Variants in PITPNB observed in about 807,000 individuals in gnomAD.
PITPNB encodes phosphatidylinositol transfer protein beta isoform.
A neutral mutation model predicts 45.9 loss-of-function variants in PITPNB; 16 were observed. That is an observed-to-expected ratio of 0.35 (90% CI 0.24 to 0.53). The LOEUF (loss-of-function observed/expected upper bound fraction) is 0.53. Among genes scored for constraint, PITPNB ranks in the 20% least tolerant of loss-of-function variants. The pLI is 0.93. For synonymous variants in PITPNB, 112 were observed against 108.9 expected, an observed-to-expected ratio of 1.03 and a Z score of -0.18; for missense variants, 188 against 330.5, an observed-to-expected ratio of 0.57 and a Z score of 3.34.
chr22:27,868,128 G>A (rs1934537444), intron 8 of PITPNB, among the ~76,000 whole-genome samples: 1 of 152,114 alleles, frequency 6.6e-6, no homozygotes, highest in African/African-American at 2.4e-5. Context: ...GAGATTACAG[G>A]GAGGGAACAT....
chr22:27,885,212 T>TAAAAGAAAAAAAAAAA (rs1935084869), intron 7 of PITPNB, among the ~76,000 whole-genome samples: 1 of 30,192 alleles, frequency 3.3e-5, no homozygotes, highest in Admixed American at 4.4e-4. Context: ...AATTTATACC[T>TAAAAGAAAAAAAAAAA]AAAAAAAAAA....
At chr22:27,872,111 T>TG (rs397950290) in intron 8 of PITPNB, among the ~76,000 whole-genome samples, 2 of 77,690 alleles carry the variant, frequency 2.6e-5, no homozygotes, top group Admixed American at 1.5e-4. Context: ...TTTTTTTTTT[T>TG]GGGACGGAGT....
chr22:27,855,679 A>G (rs1934152111), intron 10 of PITPNB, among the ~76,000 whole-genome samples: 2 of 152,358 alleles, frequency 1.3e-5, no homozygotes, highest in South Asian at 4.1e-4. Flanking sequence ...GTCCTCCTTC[A>G]GCTGCTGAGC....
intron 2 of PITPNB, among the ~76,000 whole-genome samples, chr22:27,914,102 T>C (rs1396054927): frequency 6.6e-6 from 1 of 152,218 alleles, no homozygotes; most frequent in African/African-American, 2.4e-5. Context: ...CTACATTCTT[T>C]AGACTCTTCC....
At position 27,897,858 on chromosome 22, in the gene PITPNB, C is replaced by A; in HGVS notation, c.232G>T (p.Glu78Ter). ...TTCTCATGAAACACCAAGGAGCCCT[C>A]GGGAGCAATCATCCTCACGAATGCA... ...VPAFVRMIAP[E>*]GSLVFHEKAW... The change falls in exon 4 of 12, where the codon GAG becomes TAG. Residue 78 changes from glutamate (E) to a stop codon, truncating the protein, a stop_gained. Coordinates refer to ENST00000335272, the MANE Select transcript of PITPNB (RefSeq NM_012399.5). LOFTEE classifies it high-confidence loss of function. The A allele has an allele frequency of 6.2e-7, 1 of 1,613,838 alleles. No homozygotes were observed. Among genetic ancestry groups the A allele is most frequent in the Non-Finnish European group, 8.5e-7 (1 of 1,179,802 alleles).
In PITPNB at chr22:27,885,212, T is replaced by TAAAAAAAAAAAAAAAAAAAAAAAAAAA. The variant is rs71194746; in HGVS notation, c.456+9316_456+9342dup. 1.7e-4 allele frequency among the ~76,000 whole-genome samples: 5 copies of TAAAAAAAAAAAAAAAAAAAAAAAAAAA among 30,234 alleles called. 1 individual carries two copies. The highest frequency in any genetic ancestry group is 1.1e-4 in the African/African-American group (1 of 9,066). 19.8% of individuals were successfully genotyped at this position (30,234 alleles called of 152,430 possible). A position where few individuals can be genotyped will look rare whatever the true frequency, so the allele number is the denominator to read the frequency against. On this transcript the variant is annotated intron_variant, in intron 7 of 11. Transcript: ENST00000335272. ...AAAGAGCCAGATTCAAATTTATACC[T>TAAAAAAAAAAAAAAAAAAAAAAAAAAA]AAAAAAAAAAAAAAAAAAAAAAAAA... is the stretch of plus-strand genomic sequence containing the variant.
chr22:27,892,552 G>C (rs923533510), intron 7 of PITPNB, among the ~76,000 whole-genome samples: 3 of 152,118 alleles, frequency 2.0e-5, no homozygotes, highest in Admixed American at 2.0e-4. Context: ...TGGTATTTTA[G>C]TGATGGGCAG....
At chr22:27,861,207 C>T (rs1934321868) in intron 8 of PITPNB, among the ~76,000 whole-genome samples, 1 of 151,780 alleles carries the variant, frequency 6.6e-6, no homozygotes, top group South Asian at 2.1e-4. Flanking sequence ...GTGGTGGGAG[C>T]CTGTAATCCC....
chr22:27,856,385 T>A (rs769411094), intron 10 of PITPNB, among the ~76,000 whole-genome samples: 1 of 152,188 alleles, frequency 6.6e-6, no homozygotes, highest in African/African-American at 2.4e-5. Flanking sequence ...CCCACTGCCA[T>A]AGGTGAGAGC....
At chr22:27,858,059 T>C (rs1407682216) in intron 10 of PITPNB, among the ~76,000 whole-genome samples, 1 of 152,208 alleles carries the variant, frequency 6.6e-6, no homozygotes, top group African/African-American at 2.4e-5. Context: ...TCTGACAAAG[T>C]GTCTAAAACG....
rs1934035408 is a variant in PITPNB at position 27,852,086 on chromosome 22, G to A, written c.*1616C>T. On this transcript the variant is annotated 3_prime_UTR_variant, in exon 12 of 12. Coordinates refer to ENST00000335272, the MANE Select transcript of PITPNB (RefSeq NM_012399.5). Reference sequence around the variant, plus strand: ...TGGGTTTTGTTGCTGAGGATAACAGGGTATTGCAATGCAGTAGTGATCCTA... The same window carrying A: ...TGGGTTTTGTTGCTGAGGATAACAGAGTATTGCAATGCAGTAGTGATCCTA... The A allele has an allele frequency of 6.6e-6, 1 of 152,160 alleles. No individual in the cohort carries two copies. 9.4% of individuals were successfully genotyped at this position (152,160 alleles called of 1,614,324 possible).
At chr22:27,903,900 T>C (rs1935684562) in intron 3 of PITPNB, among the ~76,000 whole-genome samples, 1 of 151,550 alleles carries the variant, frequency 6.6e-6, no homozygotes, top group Admixed American at 6.6e-5. Context: ...ACATCATTAA[T>C]CACCAAGAAA....
chr22:27,915,202 T>C (rs966301807), intron 1 of PITPNB, among the ~76,000 whole-genome samples: 1 of 152,222 alleles, frequency 6.6e-6, no homozygotes, highest in African/African-American at 2.4e-5. Flanking sequence ...AGACAGCAAC[T>C]TCCTTTTTTG....
At chr22:27,857,311 A>G (rs1384210739) in intron 10 of PITPNB, among the ~76,000 whole-genome samples, 6 of 152,234 alleles carry the variant, frequency 3.9e-5, no homozygotes, top group African/African-American at 9.6e-5. Context: ...TATGTATAAG[A>G]TAAGGTTAAA....
rs562437281 is a variant in PITPNB at position 27,919,034 on chromosome 22, G to A, written c.20+138C>T. 3,516 of 1,295,468 alleles carry A rather than the reference G, an allele frequency of 2.7e-3. 7 individuals are homozygous for A. The highest frequency in any genetic ancestry group is 3.2e-3 in the Non-Finnish European group (2,828 of 897,322). The allele number at this position is 1,295,468 out of a possible 1,614,324, so 80.2% of individuals were successfully genotyped here. On this transcript the variant is annotated intron_variant, in intron 1 of 11. Transcript: ENST00000335272. ...CTCGCTGAGGGGCTTCGAAGGGGCC[G>A]GGGGAGGGAGGGGGCGCCCGCAGGG... is the stretch of plus-strand genomic sequence containing the variant.
intron 7 of PITPNB, among the ~76,000 whole-genome samples, chr22:27,882,434 TC>T (rs1791427874): frequency 1.3e-5 from 2 of 152,178 alleles, no homozygotes; most frequent in Admixed American, 1.3e-4. Flanking sequence ...ATTCCTGCCC[TC>T]AACTAAAACA....
rs763253787 is a variant in PITPNB at position 27,914,188 on chromosome 22, T to C, written c.51+129A>G. ...TGCAATTCTTTGCAATTATCATTCATATAATTAATTTTGTCACATAAGGTG... is the reference window on the plus strand; with the variant it reads ...TGCAATTCTTTGCAATTATCATTCACATAATTAATTTTGTCACATAAGGTG... On this transcript the variant is annotated intron_variant, in intron 2 of 11. Transcript: ENST00000335272. The C allele has an allele frequency of 1.3e-3, 861 of 665,698 alleles. 13 individuals are homozygous for C. Among genetic ancestry groups the C allele is most frequent in the Non-Finnish European group, 3.2e-4 (118 of 366,842 alleles). The allele number at this position is 665,698 out of a possible 1,614,324, so 41.2% of individuals were successfully genotyped here.
chr22:27,870,985 C>G (rs752407122), intron 8 of PITPNB, among the ~76,000 whole-genome samples: 7 of 152,142 alleles, frequency 4.6e-5, no homozygotes, highest in African/African-American at 7.2e-5. Flanking sequence ...AATGAACAAT[C>G]AACAGGCAAA....
chr22:27,886,589 A>G (rs2146386654), intron 7 of PITPNB, among the ~76,000 whole-genome samples: 1 of 152,348 alleles, frequency 6.6e-6, no homozygotes, highest in East Asian at 1.9e-4. Flanking sequence ...ACTACCAAAG[A>G]CAGCAAATCT....
Sources: gnomAD v4.1 joint callset for allele counts (sites outside exome capture counted in the v4.1 genomes callset) on GRCh38, gnomAD v4.1.1 for gene constraint, MANE v1.5 for transcripts, NCBI Gene and HGNC (gene_info 2026-07-23, HGNC 2026-07-21) for gene names.